Variants in FMN1 observed in about 807,000 individuals in gnomAD.
FMN1 encodes the protein formin 1, also known as formin-1.
In FMN1, 110 loss-of-function variants were observed where a neutral mutation model predicts 132.4. The observed-to-expected ratio is 0.83, with a 90% CI of 0.71 to 0.97. The LOEUF (loss-of-function observed/expected upper bound fraction) is 0.97, where lower values mean the gene tolerates loss of function less well. FMN1 is among the 50% of genes least tolerant of loss of function. FMN1 has a pLI of 0.00. For missense variants in FMN1, 1,792 were observed against 1,705.3 expected (o/e 1.05, Z -0.90); for synonymous variants, 722 against 651.7 (o/e 1.11, Z -1.64).
Position 32,774,351 on chromosome 15 carries a change from C to A in FMN1, c.4219G>T (p.Glu1407Ter). 6.3e-7 allele frequency: 1 copy of A among 1,590,974 alleles called. No homozygotes were observed. Among genetic ancestry groups the A allele is most frequent in the Non-Finnish European group, 8.6e-7 (1 of 1,168,672 alleles). Residue 1407 changes from glutamate to a stop codon, truncating the protein, a stop_gained, in exon 21 of 21, where the codon GAA (glutamate) becomes TAA (stop). Coordinates refer to ENST00000616417, the MANE Select transcript of FMN1 (RefSeq NM_001277313.2). LOFTEE classifies it high-confidence loss of function. ...CTGGCTTCCTTCTGACGCAGTCTTT[C>A]TTTCTGTTAAGGAAAAAAAAATGAA... Reference protein sequence around the residue: ...KKINPTASLKERLRQKEASVT... With the variant: ...KKINPTASLK
At chr15:32,934,268 T>A (rs771630791) in intron 9 of FMN1, among the ~76,000 whole-genome samples, 1 of 152,196 alleles carries the variant, frequency 6.6e-6, no homozygotes, top group South Asian at 2.1e-4. Context: ...GTAATTGATA[T>A]AACAAATTAT....
At chr15:32,820,754 C>G (rs534336747) in intron 17 of FMN1, among the ~76,000 whole-genome samples, 1 of 152,162 alleles carries the variant, frequency 6.6e-6, no homozygotes, top group Non-Finnish European at 1.5e-5. Flanking sequence ...TTTTGTCAAA[C>G]TTTTAAAATT....
At chr15:33,027,827 C>G (rs1047026649) in intron 6 of FMN1, among the ~76,000 whole-genome samples, 1 of 152,156 alleles carries the variant, frequency 6.6e-6, no homozygotes, top group South Asian at 2.1e-4. Context: ...ATATGACAGA[C>G]AAGAGCATAT....
rs144999366 is a variant in FMN1, at chr15:32,807,348, T to C, written c.3929-3016A>G. 8.1e-3 allele frequency among the ~76,000 whole-genome samples: 1,234 copies of C among 152,330 alleles called. 17 individuals are homozygous for C. Among genetic ancestry groups the C allele is most frequent in the African/African-American group, 0.029 (1,187 of 41,580 alleles). On this transcript the variant is annotated intron_variant, in intron 17 of 20. Transcript: ENST00000616417. ...GCTGTCTGATGTCCCCCCATACTCTTGGCAGGAATTTCTGTGAATTAGTCT... is the reference window on the plus strand; with the variant it reads ...GCTGTCTGATGTCCCCCCATACTCTCGGCAGGAATTTCTGTGAATTAGTCT...
intron 6 of FMN1, among the ~76,000 whole-genome samples, chr15:33,049,499 G>T (rs11637506): frequency 6.6e-6 from 1 of 152,188 alleles, no homozygotes; most frequent in Non-Finnish European, 1.5e-5. Context: ...GACCAAATTA[G>T]TAATTTATGA....
chr15:32,936,729 G>A (rs923515532), intron 9 of FMN1, among the ~76,000 whole-genome samples: 2 of 151,938 alleles, frequency 1.3e-5, no homozygotes, highest in Admixed American at 1.3e-4. Context: ...AGGAGAAGAA[G>A]AAGAAAAGAA....
At chr15:33,088,165 T>C (rs1265451970) in intron 5 of FMN1, among the ~76,000 whole-genome samples, 1 of 151,994 alleles carries the variant, frequency 6.6e-6, no homozygotes, top group Non-Finnish European at 1.5e-5. Flanking sequence ...AAAGAACTTA[T>C]TCATGTAACC....
chr15:32,969,548 A>G (rs1004061238), intron 7 of FMN1, 71 bp from the exon 8 acceptor site: 26 of 1,512,256 alleles, frequency 1.7e-5, no homozygotes, highest in Non-Finnish European at 2.1e-5. Context: ...TAGAAACTCA[A>G]TAATACCATC....
At chr15:32,819,623 T>C (rs1257805411) in intron 17 of FMN1, among the ~76,000 whole-genome samples, 1 of 152,178 alleles carries the variant, frequency 6.6e-6, no homozygotes, top group Non-Finnish European at 1.5e-5. Flanking sequence ...GCTAGCTTTG[T>C]TCCTTCCCAC....
At chr15:32,856,808 T>C (rs2059142549) in intron 17 of FMN1, among the ~76,000 whole-genome samples, 1 of 152,188 alleles carries the variant, frequency 6.6e-6, no homozygotes, top group Admixed American at 6.5e-5. Context: ...TTTAAAATAT[T>C]AAACTGGATT....
At chr15:32,799,878 TGACC>T (rs1433230801) in intron 18 of FMN1, among the ~76,000 whole-genome samples, 3 of 152,126 alleles carry the variant, frequency 2.0e-5, no homozygotes, top group Non-Finnish European at 4.4e-5. Context: ...CTTAAATAAA[TGACC>T]CCCTTTTCTA....
intron 6 of FMN1, among the ~76,000 whole-genome samples, chr15:33,028,097 A>G (rs1025310604): frequency 6.6e-6 from 1 of 152,218 alleles, no homozygotes; most frequent in African/African-American, 2.4e-5. Context: ...ACTACATATT[A>G]CAATCACCTG....
intron 10 of FMN1, among the ~76,000 whole-genome samples, chr15:32,924,257 T>C (rs1020026944): frequency 3.3e-5 from 5 of 152,240 alleles, no homozygotes; most frequent in East Asian, 1.9e-4. Flanking sequence ...TTCACACTTA[T>C]GTATTCAGCT....
At chr15:32,830,967 C>G (rs1051883871) in intron 17 of FMN1, among the ~76,000 whole-genome samples, 1 of 152,168 alleles carries the variant, frequency 6.6e-6, no homozygotes, top group Non-Finnish European at 1.5e-5. Flanking sequence ...CCCCCCACCA[C>G]TATAATCTCC....
chr15:32,842,601 G>GCA (rs10659566), intron 17 of FMN1, among the ~76,000 whole-genome samples: 31,784 of 152,052 alleles, frequency 0.21, 3,494 homozygotes, highest in East Asian at 0.44. Context: ...ATAACATGCA[G>GCA]CACAGTGCCT....
intron 3 of FMN1, among the ~76,000 whole-genome samples, chr15:33,166,593 G>C (rs1410521505): frequency 2.6e-5 from 4 of 152,106 alleles, no homozygotes; most frequent in African/African-American, 9.7e-5. Context: ...TCCTACAAGA[G>C]ATCATATAGG....
At chr15:33,157,081 C>T (rs1964700121) in intron 3 of FMN1, among the ~76,000 whole-genome samples, 1 of 151,972 alleles carries the variant, frequency 6.6e-6, no homozygotes, top group Non-Finnish European at 1.5e-5. Context: ...GCCTGGCCAA[C>T]ATGGTAAACC....
At chr15:32,919,374 C>T (rs72719318) in intron 10 of FMN1, among the ~76,000 whole-genome samples, 2,884 of 152,206 alleles carry the variant, frequency 0.019, 95 homozygotes, top group East Asian at 0.12. Flanking sequence ...CCAAATGGCA[C>T]CCGCCAAGAA....
chr15:32,884,486 T>C (rs745908803), intron 16 of FMN1, among the ~76,000 whole-genome samples: 2 of 152,210 alleles, frequency 1.3e-5, no homozygotes, highest in Non-Finnish European at 2.9e-5. Context: ...TTAGGCCCAC[T>C]TGGACGGTCC....
Sources: gnomAD v4.1 joint callset for allele counts (sites outside exome capture counted in the v4.1 genomes callset) on GRCh38, gnomAD v4.1.1 for gene constraint, MANE v1.5 for transcripts, NCBI Gene and HGNC (gene_info 2026-07-23, HGNC 2026-07-21) for gene names.